Variants in WWOX observed in about 807,000 individuals in gnomAD.
The protein encoded by WWOX is WW domain-containing oxidoreductase.
A neutral mutation model predicts 46.2 loss-of-function variants in WWOX; 69 were observed. That is an observed-to-expected ratio of 1.49 (90% CI 1.23 to 1.82). The LOEUF is 1.82. WWOX is among the 40% of genes most tolerant of loss of function. The pLI is 0.00. For missense variants in WWOX, 919 were observed against 542.6 expected (o/e 1.69, Z -6.89); for synonymous variants, 359 against 202.6 (o/e 1.77, Z -6.56).
intron 8 of WWOX, among the ~76,000 whole-genome samples, chr16:78,548,440 C>A (rs1335052780): frequency 6.6e-6 from 1 of 152,052 alleles, no homozygotes; most frequent in African/African-American, 2.4e-5. Flanking sequence ...TTATTTTAAT[C>A]TAAAGACATC....
intron 8 of WWOX, among the ~76,000 whole-genome samples, chr16:78,628,452 C>A (rs776542915): frequency 6.6e-6 from 1 of 152,096 alleles, no homozygotes; most frequent in Non-Finnish European, 1.5e-5. Context: ...CTATCAAGCT[C>A]CCAAGGGGAC....
chr16:78,479,760 G>A (rs771987939), intron 8 of WWOX, among the ~76,000 whole-genome samples: 5 of 152,114 alleles, frequency 3.3e-5, no homozygotes, highest in Non-Finnish European at 5.9e-5. Flanking sequence ...TCTAGACAGT[G>A]GTCAAAGGCA....
At chr16:79,186,879 A>G (rs1346676454) in intron 8 of WWOX, among the ~76,000 whole-genome samples, 3 of 152,092 alleles carry the variant, frequency 2.0e-5, no homozygotes, top group Non-Finnish European at 2.9e-5. Flanking sequence ...TTTTCAACAT[A>G]TTGGTTTTTC....
intron 8 of WWOX, among the ~76,000 whole-genome samples, chr16:79,134,169 T>G (rs2049937833): frequency 7.3e-6 from 1 of 136,564 alleles, no homozygotes; most frequent in South Asian, 2.4e-4. Context: ...GGGATTATCT[T>G]ATGATTTTTT....
intron 8 of WWOX, chr16:78,825,958 TG>T: frequency 1.3e-6 from 1 of 789,752 alleles, no homozygotes; most frequent in Non-Finnish European, 2.0e-6. Context: ...AACAGAAGGG[TG>T]GGAAGCCAGA....
intron 8 of WWOX, among the ~76,000 whole-genome samples, chr16:78,496,952 G>C (rs1197702707): frequency 1.3e-5 from 2 of 152,240 alleles, no homozygotes; most frequent in East Asian, 1.9e-4. Context: ...TCCAGAAGGA[G>C]AATGAAATGC....
At position 78,849,464 on chromosome 16, in the gene WWOX, C is replaced by T. The variant is rs2052385123; in HGVS notation, c.1057-362144C>T. ...TGGCGGGCGCCTGTAGTCCCAGCTA[C>T]TGGGGAGGCTGAGGCAGGAGAATGG... On this transcript the variant is annotated intron_variant, in intron 8 of 8. Transcript: ENST00000566780. Among the ~76,000 whole-genome samples, 5 of 149,574 alleles carry T rather than the reference C, an allele frequency of 3.3e-5. No individual in the cohort carries two copies. The South Asian group carries it at 8.5e-4, about 25-fold the overall frequency.
chr16:78,866,944 G>C (rs1184175258), intron 8 of WWOX, among the ~76,000 whole-genome samples: 1 of 152,174 alleles, frequency 6.6e-6, no homozygotes. Flanking sequence ...ATGAACCCTT[G>C]CCACCAGCTG....
chr16:78,810,822 A>G lies in WWOX; in HGVS notation c.1056+378070A>G, dbSNP rs74941571. On this transcript the variant is annotated intron_variant, in intron 8 of 8. Transcript: ENST00000566780. ...AGGGGGGAAAAAAAACTCCCTAAAA[A>G]AGACAAATGACAGCGCAAGATCCAA... Among the ~76,000 whole-genome samples, 979 of 152,344 alleles carry G rather than the reference A, an allele frequency of 6.4e-3. 2 individuals carry two copies. The highest frequency in any genetic ancestry group is 0.011 in the Non-Finnish European group (729 of 68,028).
intron 5 of WWOX, among the ~76,000 whole-genome samples, chr16:78,325,893 A>C (rs1322588894): frequency 6.6e-6 from 1 of 152,256 alleles, no homozygotes; most frequent in Non-Finnish European, 1.5e-5. Flanking sequence ...AGAGTTAATC[A>C]AATTAAAGGC....
intron 8 of WWOX, among the ~76,000 whole-genome samples, chr16:78,931,818 C>G (rs987384752): frequency 1.3e-5 from 2 of 152,196 alleles, no homozygotes; most frequent in African/African-American, 2.4e-5. Flanking sequence ...TCATCTTGAA[C>G]TTTAGCTCCC....
intron 8 of WWOX, among the ~76,000 whole-genome samples, chr16:78,879,040 C>T (rs991230728): frequency 3.3e-5 from 5 of 152,016 alleles, no homozygotes; most frequent in African/African-American, 1.2e-4. Context: ...ACACTTCACC[C>T]TGGATCTGGA....
chr16:78,398,735 A>C (rs1046106787), intron 6 of WWOX, among the ~76,000 whole-genome samples: 9 of 152,196 alleles, frequency 5.9e-5, no homozygotes, highest in Non-Finnish European at 1.3e-4. Flanking sequence ...CAAATTCCTT[A>C]ATCTTTCTAA....
chr16:78,268,465 T>C (rs2079411507), intron 5 of WWOX, among the ~76,000 whole-genome samples: 1 of 152,228 alleles, frequency 6.6e-6, no homozygotes, highest in East Asian at 1.9e-4. Context: ...GTAGAGTCAC[T>C]ACCTGCATTT....
intron 8 of WWOX, among the ~76,000 whole-genome samples, chr16:78,522,493 C>T (rs970429925): frequency 1.1e-4 from 16 of 152,180 alleles, no homozygotes; most frequent in African/African-American, 3.9e-4. Flanking sequence ...CGATGTCACT[C>T]TTCTCTGTCT....
At chr16:78,105,326 G>A (rs1479731665) in intron 1 of WWOX, among the ~76,000 whole-genome samples, 1 of 152,154 alleles carries the variant, frequency 6.6e-6, no homozygotes, top group Admixed American at 6.5e-5. Context: ...TCCCGGCATG[G>A]TGGCAGGTGC....
At chr16:78,410,441 T>A (rs902010038) in intron 6 of WWOX, among the ~76,000 whole-genome samples, 1 of 152,086 alleles carries the variant, frequency 6.6e-6, no homozygotes, top group Non-Finnish European at 1.5e-5. Flanking sequence ...CAGTTACTAT[T>A]TTTGTGACTC....
intron 8 of WWOX, among the ~76,000 whole-genome samples, chr16:78,852,791 A>C (rs990156301): frequency 6.6e-6 from 1 of 152,232 alleles, no homozygotes; most frequent in African/African-American, 2.4e-5. Flanking sequence ...GGAGTTCCTC[A>C]ATGGTTCCAC....
At chr16:78,479,800 C>G (rs1251887421) in intron 8 of WWOX, among the ~76,000 whole-genome samples, 1 of 152,188 alleles carries the variant, frequency 6.6e-6, no homozygotes, top group African/African-American at 2.4e-5. Context: ...AGATAAGATT[C>G]AAGACCCAAA....
Sources: allele counts gnomAD v4.1 joint callset (sites outside exome capture counted in the v4.1 genomes callset), GRCh38; gene constraint gnomAD v4.1.1; transcripts MANE v1.5; gene names NCBI Gene and HGNC (gene_info 2026-07-23, HGNC 2026-07-21).